The following PUDP variants were observed in gnomAD, a reference collection of about 807,000 sequenced individuals.
The protein encoded by PUDP is pseudouridine 5'-phosphatase.
In PUDP, 8 loss-of-function variants were observed where a neutral mutation model predicts 9.4. The ratio of observed to expected loss-of-function variants is 0.85; its 90% CI spans 0.50 to 1.53. The LOEUF (loss-of-function observed/expected upper bound fraction) is 1.53. PUDP is among the 40% of genes most tolerant of loss of function. PUDP has a pLI of 0.00. For missense variants in PUDP, 188 were observed against 189.7 expected (o/e 0.99, Z 0.05); for synonymous variants, 99 against 80.7 (o/e 1.23, Z -1.22).
intron 3 of PUDP, among the ~76,000 whole-genome samples, chrX:6,780,003 T>G (rs1486479912): frequency 2.7e-5 from 3 of 110,963 alleles, no homozygotes; most frequent in African/African-American, 9.8e-5. Flanking sequence ...GTTCTTGTAC[T>G]TGTATCAAAA....
In PUDP at chrX:7,035,237, T is replaced by C. The variant is rs910398870; in HGVS notation, c.204+41983A>G. ...TATACGATATATATGGGTTTATTAC[T>C]AAATATTCTTAAAATGAATATAATG... On this transcript the variant is annotated intron_variant and NMD_transcript_variant, in intron 1 of 3. Coordinates refer to the PUDP transcript ENST00000655425. 6.3e-5 allele frequency among the ~76,000 whole-genome samples: 7 copies of C among 111,935 alleles called. No homozygotes were observed. In the Admixed American group the frequency reaches 6.7e-4, roughly 11 times the overall value.
intron 3 of PUDP, among the ~76,000 whole-genome samples, chrX:6,884,354 G>T (rs537674159): frequency 1.8e-5 from 2 of 111,465 alleles, no homozygotes; most frequent in African/African-American, 6.5e-5. Context: ...GTGCCCAAAT[G>T]TTGATCTATT....
At chrX:7,008,797 G>A (rs1337630561) in intron 1 of PUDP, among the ~76,000 whole-genome samples, 1 of 112,374 alleles carries the variant, frequency 8.9e-6, no homozygotes, top group Non-Finnish European at 1.9e-5. Flanking sequence ...TGACATTGTG[G>A]TCATGAAACA....
intron 3 of PUDP, among the ~76,000 whole-genome samples, chrX:6,950,585 T>C (rs1321991057): frequency 9.5e-6 from 1 of 104,726 alleles, no homozygotes; most frequent in Non-Finnish European, 2.0e-5. Context: ...TAATTTTTTG[T>C]ATTTTTAGTG....
chrX:7,091,484 G>A (rs1602772630), intron 2 of PUDP, among the ~76,000 whole-genome samples: 2 of 111,275 alleles, frequency 1.8e-5, no homozygotes, highest in Admixed American at 9.5e-5. Context: ...AACTACAGGC[G>A]CCCGCCACCA....
At chrX:6,748,293 T>C (rs1925023842) in intron 3 of PUDP, among the ~76,000 whole-genome samples, 1 of 112,009 alleles carries the variant, frequency 8.9e-6, no homozygotes, top group Admixed American at 9.5e-5. Context: ...CTGGGGTTCC[T>C]GCAGGCTTCT....
At chrX:7,068,225 T>A (rs1930625799) in intron 3 of PUDP, among the ~76,000 whole-genome samples, 1 of 112,375 alleles carries the variant, frequency 8.9e-6, no homozygotes, top group African/African-American at 3.2e-5. Flanking sequence ...ACATTGGCTA[T>A]TATTAAAACT....
intron 3 of PUDP, among the ~76,000 whole-genome samples, chrX:6,932,590 A>G (rs1928210054): frequency 9.1e-6 from 1 of 110,118 alleles, no homozygotes; most frequent in African/African-American, 3.3e-5. Context: ...TACCGGGTTC[A>G]TCTCACTAGG....
chrX:6,933,679 A>G (rs1928244431), intron 3 of PUDP, among the ~76,000 whole-genome samples: 1 of 111,087 alleles, frequency 9.0e-6, no homozygotes, highest in South Asian at 3.8e-4. Context: ...CAATCAAATT[A>G]CTCTGAGCTA....
chrX:7,066,469 A>T (rs1049393296), intron 3 of PUDP, among the ~76,000 whole-genome samples: 5 of 111,168 alleles, frequency 4.5e-5, no homozygotes, highest in African/African-American at 1.6e-4. Context: ...TCCACCTCAG[A>T]TCATCAGGCA....
chrX:7,104,696 G>A (rs1383126579), intron 2 of PUDP, among the ~76,000 whole-genome samples: 1 of 111,719 alleles, frequency 9.0e-6, no homozygotes, highest in African/African-American at 3.3e-5. Context: ...TCGTACCCAT[G>A]CCTGAGATTC....
intron 3 of PUDP, among the ~76,000 whole-genome samples, chrX:6,762,832 T>G (rs952098759): frequency 1.8e-5 from 2 of 112,201 alleles, no homozygotes; most frequent in African/African-American, 6.5e-5. Context: ...TTTTAATGCT[T>G]TTGGCTATTT....
At chrX:7,059,606 C>T (rs1212439781) in intron 3 of PUDP, among the ~76,000 whole-genome samples, 1 of 111,777 alleles carries the variant, frequency 8.9e-6, no homozygotes, top group Non-Finnish European at 1.9e-5. Context: ...TAGCCATGTA[C>T]GGGATTAAAA....
intron 1 of PUDP, among the ~76,000 whole-genome samples, chrX:6,981,489 T>C (rs1766746463): frequency 9.0e-6 from 1 of 111,693 alleles, no homozygotes; most frequent in Non-Finnish European, 1.9e-5. Context: ...AGTGCCATTG[T>C]TAGTATAAAA....
In PUDP at chrX:7,091,467, T is replaced by C. The variant is rs1318571578; in HGVS notation, c.281-14018A>G. Among the ~76,000 whole-genome samples the C allele has an allele frequency of 3.6e-5, 4 of 111,722 alleles. No individual in the cohort carries two copies. In the South Asian group the frequency reaches 1.1e-3, roughly 32 times the overall value. On this transcript the variant is annotated intron_variant, in intron 2 of 3. Transcript: ENST00000381077. ...AATTCTCCTGCCTCAGCCTCTCAAG[T>C]AGCTGGAACTACAGGCGCCCGCCAC...
At chrX:6,796,428 T>C (rs1429103553) in intron 3 of PUDP, among the ~76,000 whole-genome samples, 1 of 111,939 alleles carries the variant, frequency 8.9e-6, no homozygotes, top group Non-Finnish European at 1.9e-5. Flanking sequence ...TGAGGAAGCA[T>C]GCATAAAAGG....
upstream of PUDP, among the ~76,000 whole-genome samples, chrX:6,724,448 T>C (rs1924715360): frequency 1.0e-5 from 1 of 96,933 alleles, no homozygotes; most frequent in African/African-American, 3.9e-5. Flanking sequence ...ATTTTCATGA[T>C]ATTTGGAAAG....
intron 3 of PUDP, among the ~76,000 whole-genome samples, chrX:6,810,999 C>T (rs1222111651): frequency 9.0e-6 from 1 of 111,438 alleles, no homozygotes; most frequent in Non-Finnish European, 1.9e-5. Flanking sequence ...GTGGACCAAG[C>T]CAAACATGGA....
intron 1 of PUDP, among the ~76,000 whole-genome samples, chrX:7,140,510 A>C (rs1932784881): frequency 1.8e-5 from 2 of 111,105 alleles, no homozygotes; most frequent in Non-Finnish European, 3.8e-5. Flanking sequence ...ACATTGCTTT[A>C]AGTCTCCATC....
Sources: allele counts gnomAD v4.1 joint callset (sites outside exome capture counted in the v4.1 genomes callset), GRCh38; gene constraint gnomAD v4.1.1; transcripts MANE v1.5; gene names NCBI Gene and HGNC (gene_info 2026-07-23, HGNC 2026-07-21).